NCAM1: variants seen among roughly 807,000 people sequenced by gnomAD.
NCAM1 encodes the protein antigen recognized by monoclonal antibody 5.1H11.
In NCAM1, 14 loss-of-function variants were observed where a neutral mutation model predicts 109.8. The ratio of observed to expected loss-of-function variants is 0.13; its 90% CI spans 0.08 to 0.20. The LOEUF (loss-of-function observed/expected upper bound fraction) is 0.20. Among genes scored for constraint, NCAM1 ranks in the 10% least tolerant of loss-of-function variants. The pLI is 1.00. For missense variants in NCAM1, 774 were observed against 1,109.9 expected (o/e 0.70, Z 4.30); for synonymous variants, 418 against 442.9 (o/e 0.94, Z 0.70).
At chr11:113,253,640 G>A (rs1189546813) in intron 15 of NCAM1, among the ~76,000 whole-genome samples, 1 of 152,136 alleles carries the variant, frequency 6.6e-6, no homozygotes, top group Admixed American at 6.5e-5. Context: ...AACTAATTAG[G>A]AACGTGCAGC....
chr11:113,052,654 A>G (rs2135415071), intron 1 of NCAM1, among the ~76,000 whole-genome samples: 1 of 152,316 alleles, frequency 6.6e-6, no homozygotes, highest in South Asian at 2.1e-4. Context: ...CAAGTGTAAA[A>G]AAAATTTTGT....
In NCAM1 at chr11:112,961,546, C is replaced by T. The variant is rs1555062841; in HGVS notation, c.-67C>T. 1 of 1,039,244 alleles carries T rather than the reference C, an allele frequency of 9.6e-7. No individual in the cohort carries two copies. The highest frequency in any genetic ancestry group is 2.4e-5 in the East Asian group (1 of 41,960). The allele number at this position is 1,039,244 out of a possible 1,614,324, so 64.4% of individuals were successfully genotyped here. ...GTCTGTCGCTCAGCCGCCGTCCACACTCGCTGCAGGGGGGGGGGCACAGAA... is the reference window on the plus strand; with the variant it reads ...GTCTGTCGCTCAGCCGCCGTCCACATTCGCTGCAGGGGGGGGGGCACAGAA... On this transcript the variant is annotated 5_prime_UTR_variant, in exon 1 of 20. Coordinates refer to ENST00000316851, the MANE Select transcript of NCAM1 (RefSeq NM_181351.5).
chr11:113,048,314 A>C (rs1335111691), intron 1 of NCAM1, among the ~76,000 whole-genome samples: 2 of 152,204 alleles, frequency 1.3e-5, no homozygotes, highest in East Asian at 3.8e-4. Flanking sequence ...GGTGGTTAGC[A>C]AGTTATTTTT....
chr11:113,191,698 TAGAG>T (rs1437000771), intron 1 of NCAM1, among the ~76,000 whole-genome samples: 5 of 151,166 alleles, frequency 3.3e-5, no homozygotes, highest in Admixed American at 1.3e-4. Flanking sequence ...AGAAGATAGA[TAGAG>T]ATAGATAGAT....
chr11:112,974,903 G>C (rs1950968248), intron 1 of NCAM1, among the ~76,000 whole-genome samples: 1 of 151,876 alleles, frequency 6.6e-6, no homozygotes, highest in African/African-American at 2.4e-5. Flanking sequence ...AGCAGACTCA[G>C]AACCCACTGA....
intron 1 of NCAM1, among the ~76,000 whole-genome samples, chr11:112,993,544 G>A (rs1382214306): frequency 6.6e-6 from 1 of 152,144 alleles, no homozygotes; most frequent in East Asian, 1.9e-4. Context: ...CTCATTTTGT[G>A]AGATGAGGAT....
intron 1 of NCAM1, among the ~76,000 whole-genome samples, chr11:112,966,280 A>G (rs1243460341): frequency 6.6e-6 from 1 of 152,234 alleles, no homozygotes; most frequent in Non-Finnish European, 1.5e-5. Context: ...CTAAGGTGAA[A>G]ATTCCTTTGG....
intron 1 of NCAM1, among the ~76,000 whole-genome samples, chr11:113,153,492 A>G (rs1555102900): frequency 4.8e-5 from 7 of 145,310 alleles, no homozygotes; most frequent in African/African-American, 2.5e-5. Flanking sequence ...GTGTGTGTGT[A>G]TGTGGCAAAC....
intron 1 of NCAM1, among the ~76,000 whole-genome samples, chr11:113,117,567 G>T (rs1334531871): frequency 5.9e-5 from 9 of 152,010 alleles, no homozygotes; most frequent in African/African-American, 1.9e-4. Context: ...TGACCATCCA[G>T]AAATGTCTTT....
chr11:112,994,756 TC>T (rs1171014533), intron 1 of NCAM1, among the ~76,000 whole-genome samples: 1 of 152,126 alleles, frequency 6.6e-6, no homozygotes, highest in Non-Finnish European at 1.5e-5. Context: ...AAGCTGTAGG[TC>T]CCCCAAAGAT....
chr11:113,086,662 A>G (rs1939105139), intron 1 of NCAM1, among the ~76,000 whole-genome samples: 1 of 152,160 alleles, frequency 6.6e-6, no homozygotes, highest in Admixed American at 6.5e-5. Context: ...TCAGCCACAC[A>G]TTTTGGTTTG....
At chr11:113,018,806 T>C (rs1952289965) in intron 1 of NCAM1, among the ~76,000 whole-genome samples, 1 of 152,024 alleles carries the variant, frequency 6.6e-6, no homozygotes, top group African/African-American at 2.4e-5. Flanking sequence ...TTTAATAGAG[T>C]CATTATAAAA....
intron 1 of NCAM1, among the ~76,000 whole-genome samples, chr11:113,017,976 A>C (rs1448513259): frequency 1.3e-5 from 2 of 152,160 alleles, no homozygotes; most frequent in African/African-American, 2.4e-5. Flanking sequence ...AAATGAAACA[A>C]ACCAAAAATT....
chr11:113,127,329 A>T (rs1591349845), intron 1 of NCAM1, among the ~76,000 whole-genome samples: 2 of 151,920 alleles, frequency 1.3e-5, no homozygotes, highest in Admixed American at 1.3e-4. Context: ...GCTCTGCAAA[A>T]CCTCCGTGTC....
In NCAM1 at chr11:113,233,051, T is replaced by G; in HGVS notation, c.1523-96T>G. 7.8e-7 allele frequency: 1 copy of G among 1,278,086 alleles called. No individual in the cohort carries two copies. Among genetic ancestry groups the G allele is most frequent in the African/African-American group, 1.5e-5 (1 of 67,156 alleles). The allele number at this position is 1,278,086 out of a possible 1,614,324, so 79.2% of individuals were successfully genotyped here. ...GATACAGTGACAGGATTCCCAAGAG[T>G]GAGCAGAAATGACAGAGATGTGCCT... On this transcript the variant is annotated intron_variant, in intron 12 of 19. Coordinates refer to ENST00000316851, the MANE Select transcript of NCAM1 (RefSeq NM_181351.5). The surrounding 1 kb of genome is among the most constrained non-coding windows in gnomAD (Gnocchi z 4.5).
intron 7 of NCAM1, 104 bp from the exon 8 acceptor site, chr11:113,214,265 G>A (rs1555114027): frequency 4.8e-6 from 6 of 1,248,294 alleles, no homozygotes; most frequent in Non-Finnish European, 5.6e-6. Flanking sequence ...CTAGGGTCTT[G>A]TACTTAGCAG....
At chr11:113,254,246 G>A (rs782205237) in intron 15 of NCAM1, among the ~76,000 whole-genome samples, 5 of 152,180 alleles carry the variant, frequency 3.3e-5, no homozygotes, top group Non-Finnish European at 5.9e-5. Flanking sequence ...CTAGATAGTG[G>A]CTTTAAAACA....
intron 1 of NCAM1, among the ~76,000 whole-genome samples, chr11:113,068,830 A>G (rs368708826): frequency 6.6e-6 from 1 of 152,242 alleles, no homozygotes; most frequent in Non-Finnish European, 1.5e-5. Flanking sequence ...ATGGCCATCA[A>G]ATATTATCTA....
At chr11:113,249,100 CATA>C (rs1370575797) in intron 15 of NCAM1, among the ~76,000 whole-genome samples, 1 of 152,166 alleles carries the variant, frequency 6.6e-6, no homozygotes, top group Non-Finnish European at 1.5e-5. Flanking sequence ...CCCAGCCATT[CATA>C]ATGATATTTT....
Sources: gnomAD v4.1 joint callset for allele counts (sites outside exome capture counted in the v4.1 genomes callset) on GRCh38, gnomAD v4.1.1 for gene constraint, Gnocchi (gnomAD v3.1) non-coding constraint, MANE v1.5 for transcripts, NCBI Gene and HGNC (gene_info 2026-07-23, HGNC 2026-07-21) for gene names.